The following FAM174B variants were observed in gnomAD, a reference collection of about 807,000 sequenced individuals.
FAM174B encodes family with sequence similarity 174 member B.
Under a neutral mutation model 10.9 loss-of-function variants are expected in FAM174B, and 12 were observed. That is an observed-to-expected ratio of 1.10 (90% CI 0.71 to 1.79). The LOEUF (loss-of-function observed/expected upper bound fraction) is 1.79. Among genes scored for constraint, FAM174B ranks in the 40% most tolerant of loss-of-function variants. The pLI is 0.00. For synonymous variants in FAM174B, 132 were observed against 115.8 expected, an observed-to-expected ratio of 1.14 and a Z score of -0.90; for missense variants, 266 against 233.3, an observed-to-expected ratio of 1.14 and a Z score of -0.91.
chr15:92,639,066 C>T (rs2050874159), intron 1 of FAM174B: 1 of 152,486 alleles, frequency 6.6e-6, no homozygotes, highest in African/African-American at 2.4e-5. Flanking sequence ...CACTGAGTGA[C>T]CTGTCCCAGG....
At chr15:92,653,471 T>G (rs1028838503) in intron 1 of FAM174B, among the ~76,000 whole-genome samples, 2 of 152,244 alleles carry the variant, frequency 1.3e-5, no homozygotes, top group African/African-American at 4.8e-5. Context: ...CTCTAGGCAT[T>G]AACCTTCACT....
intron 1 of FAM174B, among the ~76,000 whole-genome samples, chr15:92,652,082 A>T (rs568336384): frequency 1.9e-3 from 294 of 152,366 alleles, no homozygotes; most frequent in Non-Finnish European, 2.8e-3. Context: ...AGACATCAGC[A>T]ATGTAAAATC....
At chr15:92,654,273 A>C (rs923136669) in intron 1 of FAM174B, among the ~76,000 whole-genome samples, 4 of 152,184 alleles carry the variant, frequency 2.6e-5, no homozygotes, top group African/African-American at 9.7e-5. Flanking sequence ...GCAAGCCCTG[A>C]AGCCCAACCT....
At chr15:92,630,431 C>A in intron 1 of FAM174B, 86 bp from the exon 2 acceptor site, 2 of 1,295,808 alleles carry the variant, frequency 1.5e-6, no homozygotes, top group Non-Finnish European at 2.1e-6. Context: ...CCGACAGCAA[C>A]TTAGCAGCTG....
At chr15:92,653,081 C>T (rs543972123) in intron 1 of FAM174B, 1 of 152,280 alleles carries the variant, frequency 6.6e-6, no homozygotes, top group South Asian at 2.1e-4. Context: ...TAAAATATTA[C>T]AAAGTCCTCT....
At chr15:92,653,534 G>T (rs1170148063) in intron 1 of FAM174B, among the ~76,000 whole-genome samples, 1 of 152,250 alleles carries the variant, frequency 6.6e-6, no homozygotes, top group Non-Finnish European at 1.5e-5. Context: ...CTGCTGAATG[G>T]CAGGCCCGCA....
chr15:92,654,936 A>C (rs1048970402), intron 1 of FAM174B, among the ~76,000 whole-genome samples: 16 of 152,182 alleles, frequency 1.1e-4, no homozygotes, highest in Non-Finnish European at 2.1e-4. Context: ...TTTACCTTAG[A>C]TGAGCCATTT....
chr15:92,633,196 G>C (rs1487690972), intron 1 of FAM174B, among the ~76,000 whole-genome samples: 1 of 152,176 alleles, frequency 6.6e-6, no homozygotes, highest in African/African-American at 2.4e-5. Context: ...TTCCCGAGTG[G>C]AGACCACATC....
chr15:92,635,159 CCACACACACCCA>C (rs768603999), intron 1 of FAM174B, among the ~76,000 whole-genome samples: 7,946 of 20,698 alleles, frequency 0.38, 505 homozygotes, highest in East Asian at 0.55. Context: ...CACTATCTCT[CCACACACACCCA>C]CACACACACA....
chr15:92,630,184 C>T (rs771123846), intron 2 of FAM174B, 30 bp downstream of exon 2: 2 of 1,609,728 alleles, frequency 1.2e-6, no homozygotes, highest in Admixed American at 3.3e-5. Flanking sequence ...GCCCCAAGCC[C>T]AGGAGGAAGC....
chr15:92,631,390 ATATATTATAT>A (rs1199552177), intron 1 of FAM174B, among the ~76,000 whole-genome samples: 4 of 35,548 alleles, frequency 1.1e-4, no homozygotes, highest in African/African-American at 7.4e-4. Context: ...ATTATATATT[ATATATTATAT>A]TATATTATAT....
At position 92,620,854 on chromosome 15, in the gene FAM174B, A is replaced by C. The variant is rs189571213; in HGVS notation, c.477-1395T>G. Among the ~76,000 whole-genome samples, 474 of 151,344 alleles carry C rather than the reference A, an allele frequency of 3.1e-3. 4 individuals carry two copies. The highest frequency in any genetic ancestry group is 0.011 in the African/African-American group (458 of 41,234). On this transcript the variant is annotated intron_variant, in intron 2 of 2. Transcript: ENST00000327355. Reference sequence around the variant, plus strand: ...AAAAAAAAAACTGACTCTGCTCAAGACATCATCTAAAGGGACTTAGAAAAG... The same window carrying C: ...AAAAAAAAAACTGACTCTGCTCAAGCCATCATCTAAAGGGACTTAGAAAAG...
chr15:92,649,682 C>T (rs1450806882), intron 1 of FAM174B, among the ~76,000 whole-genome samples: 1 of 152,190 alleles, frequency 6.6e-6, no homozygotes, highest in Non-Finnish European at 1.5e-5. Context: ...GGCCTTGAAG[C>T]CGAGATTCTC....
chr15:92,630,865 ACATAT>A (rs1347541032), intron 1 of FAM174B, among the ~76,000 whole-genome samples: 1 of 58,986 alleles, frequency 1.7e-5, no homozygotes, highest in South Asian at 5.7e-4. Flanking sequence ...GTTACATATT[ACATAT>A]TATATATTAT....
Position 92,655,372 on chromosome 15 carries a change from G to C in FAM174B, c.288C>G (p.Ile96Met), listed in dbSNP as rs376348984. 7.5e-6 allele frequency: 12 copies of C among 1,591,494 alleles called. No homozygotes were observed. Among genetic ancestry groups the C allele is most frequent in the Non-Finnish European group, 8.5e-6 (10 of 1,169,740 alleles). The change falls in exon 1 of 3, where the codon ATC becomes ATG. Residue 96 changes from isoleucine (I) to methionine (M), a missense_variant. By Grantham distance (10) the Ile-to-Met change is conservative (BLOSUM62 1). Transcript: ENST00000327355. ...RDLPTLKAAV[I>M]VAFAFTTLLI... ...GGAGGGTGGTAAAGGCGAACGCCACGATCACGGCTGCCTTGAGGGTGGGTA... is the reference window on the plus strand; with the variant it reads ...GGAGGGTGGTAAAGGCGAACGCCACCATCACGGCTGCCTTGAGGGTGGGTA...
At chr15:92,629,507 T>A (rs771934097) in intron 2 of FAM174B, among the ~76,000 whole-genome samples, 1 of 152,164 alleles carries the variant, frequency 6.6e-6, no homozygotes, top group African/African-American at 2.4e-5. Context: ...AAGAGAAGTT[T>A]CTGTTTGGGT....
Position 92,630,168 on chromosome 15 carries a change from C to A in FAM174B, c.476+46G>T, listed in dbSNP as rs374637666. 1.9e-5 allele frequency: 30 copies of A among 1,603,462 alleles called. No homozygotes were observed. In the African/African-American group the frequency reaches 4.0e-4, roughly 21 times the overall value. ...ATGCCTGACCTCGAGGTCCCACCAA[C>A]CCACTGCCCCAAGCCCAGGAGGAAG... On this transcript the variant is annotated intron_variant, in intron 2 of 2. Transcript: ENST00000327355.
chr15:92,635,359 T>C (rs74029164), intron 1 of FAM174B, among the ~76,000 whole-genome samples: 1,741 of 152,200 alleles, frequency 0.011, 31 homozygotes, highest in African/African-American at 0.038. Context: ...AGAAGAGCAA[T>C]TTCTGCTGTT....
chr15:92,650,394 A>C (rs545324847), intron 1 of FAM174B, among the ~76,000 whole-genome samples: 1 of 152,284 alleles, frequency 6.6e-6, no homozygotes, highest in South Asian at 2.1e-4. Context: ...CACCAAAAAG[A>C]AGCCTCCTTT....
Sources: allele counts gnomAD v4.1 joint callset (sites outside exome capture counted in the v4.1 genomes callset), GRCh38; gene constraint gnomAD v4.1.1; transcripts MANE v1.5; gene names NCBI Gene and HGNC (gene_info 2026-07-23, HGNC 2026-07-21).